FBH1: variants seen among roughly 807,000 people sequenced by gnomAD.
FBH1 encodes F-box DNA helicase 1.
FBH1 carries 43 observed loss-of-function variants against 115.5 expected under a neutral mutation model. The ratio of observed to expected loss-of-function variants is 0.37; its 90% CI spans 0.29 to 0.48. The LOEUF is 0.48. FBH1 is among the 20% of genes least tolerant of loss of function. The pLI is 0.99. For synonymous variants in FBH1, 524 were observed against 507.8 expected, an observed-to-expected ratio of 1.03 and a Z score of -0.43; for missense variants, 1,001 against 1,337.3, an observed-to-expected ratio of 0.75 and a Z score of 3.92.
At position 5,895,263 on chromosome 10, in the gene FBH1, G is replaced by A; in HGVS notation, c.1+4917G>A. The stretch of plus-strand genomic sequence containing the variant: ...GTCCAGATTAGCAAAACTGCCCTCT[G>A]TGGATCTTTGTTAAAGTTGGGTATG... On this transcript the variant is annotated intron_variant, in intron 1 of 20. Coordinates refer to ENST00000362091, the MANE Select transcript of FBH1 (RefSeq NM_178150.3). The surrounding 1 kb of genome is among the most constrained non-coding windows in gnomAD (Gnocchi z 5.0). The A allele has an allele frequency of 6.7e-7, 1 of 1,487,450 alleles. No individual in the cohort carries two copies. The highest frequency in any genetic ancestry group is 9.1e-7 in the Non-Finnish European group (1 of 1,103,564). The allele number at this position is 1,487,450 out of a possible 1,614,324, so 92.1% of individuals were successfully genotyped here.
intron 6 of FBH1, among the ~76,000 whole-genome samples, chr10:5,912,544 G>A (rs1286986556): frequency 6.6e-6 from 1 of 152,162 alleles, no homozygotes; most frequent in Admixed American, 6.5e-5. Context: ...CTGGCCCCTG[G>A]AAGTTGCAAG....
chr10:5,908,883 C>A, intron 3 of FBH1, 42 bp from the exon 4 acceptor site: 1 of 1,609,506 alleles, frequency 6.2e-7, no homozygotes, highest in Non-Finnish European at 8.5e-7. Flanking sequence ...TTTCTAATGG[C>A]CCTTTGCCTC....
In FBH1 at chr10:5,936,406, C is replaced by T. The variant is rs767955773; in HGVS notation, c.2830-50C>T. The T allele has an allele frequency of 6.2e-7, 1 of 1,600,878 alleles. No individual in the cohort carries two copies. ...CGCCGCTATCAGTGTTTCCAGTAGA[C>T]CCTAACGGAGGTGTCGCCATGACTC... On this transcript the variant is annotated intron_variant, in intron 19 of 20. Transcript: ENST00000362091. This position sits in a 1 kb window ranked among gnomAD's most constrained non-coding sequence, Gnocchi z 5.6.
In FBH1 at chr10:5,916,259, C is replaced by T. The variant is rs1300202340; in HGVS notation, c.1591C>T (p.Leu531Phe). The change falls in exon 10 of 21, where the codon CTC becomes TTC. Residue 531 changes from leucine to phenylalanine, a missense_variant. Physicochemically the swap from Leu to Phe is conservative, Grantham distance 22 (BLOSUM62 0). Coordinates refer to ENST00000362091, the MANE Select transcript of FBH1 (RefSeq NM_178150.3). ...GTACCAGTCAAAGAAGAAGTTGAAT[C>T]TCTTCAAGTTAACACCCTTCATGGT... ...RKYQSKKKLN[L>F]FKLTPFMVNS... The T allele has an allele frequency of 1.2e-6, 2 of 1,614,160 alleles. No individual in the cohort carries two copies. The highest frequency in any genetic ancestry group is 4.5e-5 in the East Asian group (2 of 44,878).
Position 5,937,384 on chromosome 10 carries a change from C to T in FBH1, c.*104C>T. The T allele has an allele frequency of 7.8e-7, 1 of 1,278,492 alleles. No homozygotes were observed. The highest frequency in any genetic ancestry group is 1.0e-6 in the Non-Finnish European group (1 of 976,028). The allele number at this position is 1,278,492 out of a possible 1,614,324, so 79.2% of individuals were successfully genotyped here. A position where few individuals can be genotyped will look rare whatever the true frequency, so the allele number is the denominator to read the frequency against. ...TGCTCCCTGAGACTCTGGGTTCACC[C>T]ACAGCACTTTCTGAGGAAGAGGACA... On this transcript the variant is annotated 3_prime_UTR_variant, in exon 21 of 21. Transcript: ENST00000362091.
At position 5,936,415 on chromosome 10, in the gene FBH1, A is replaced by G. The variant is rs1833357817; in HGVS notation, c.2830-41A>G. 4.4e-6 allele frequency: 7 copies of G among 1,605,646 alleles called. No individual in the cohort carries two copies. The East Asian group carries it at 1.6e-4, about 36-fold the overall frequency. On this transcript the variant is annotated intron_variant, in intron 19 of 20. Transcript: ENST00000362091. This position sits in a 1 kb window ranked among gnomAD's most constrained non-coding sequence, Gnocchi z 5.6. ...CAGTGTTTCCAGTAGACCCTAACGG[A>G]GGTGTCGCCATGACTCTCTTTCTCG... is the stretch of plus-strand genomic sequence containing the variant.
rs755433111 is a variant in FBH1, at chr10:5,903,127, C to G, written c.109C>G (p.Pro37Ala). 27 of 1,613,644 alleles carry G rather than the reference C, an allele frequency of 1.7e-5. No individual in the cohort carries two copies. Among genetic ancestry groups the G allele is most frequent in the Non-Finnish European group, 2.5e-6 (3 of 1,179,880 alleles). ...PFGQRWTNRD[P>A]NHGLYPKPRT... ...CGGTCAAAGATGGACAAACAGAGATCCGAACCATGGTCTCTATCCTAAACC... is the reference window on the plus strand; with the variant it reads ...CGGTCAAAGATGGACAAACAGAGATGCGAACCATGGTCTCTATCCTAAACC... The change falls in exon 2 of 21, where the codon CCG becomes GCG. Residue 37 changes from proline (P) to alanine (A), a missense_variant. Transcript: ENST00000362091.
At position 5,924,224 on chromosome 10, in the gene FBH1, TGC is replaced by T. The variant is rs111910532; in HGVS notation, c.2399-84_2399-83del. 3.7e-6 allele frequency: 5 copies of T among 1,343,710 alleles called. No individual in the cohort carries two copies. The South Asian group carries it at 4.9e-5, about 13-fold the overall frequency. The allele number at this position is 1,343,710 out of a possible 1,614,324, so 83.2% of individuals were successfully genotyped here. A position where few individuals can be genotyped will look rare whatever the true frequency, so the allele number is the denominator to read the frequency against. On this transcript the variant is annotated intron_variant, in intron 16 of 20. Coordinates refer to ENST00000362091, the MANE Select transcript of FBH1 (RefSeq NM_178150.3). The surrounding 1 kb of genome is among the most constrained non-coding windows in gnomAD (Gnocchi z 6.2). ...TCCCCACTTTAAGACCATCTGCTCT[TGC>T]GCAGCTGCTTAGGAACGTGCAGCAC...
chr10:5,937,333 T>C lies in FBH1; in HGVS notation c.*53T>C. 7.0e-7 allele frequency: 1 copy of C among 1,436,100 alleles called. No individual in the cohort carries two copies. Among genetic ancestry groups the C allele is most frequent in the Non-Finnish European group, 9.2e-7 (1 of 1,087,814 alleles). The allele number at this position is 1,436,100 out of a possible 1,614,324, so 89.0% of individuals were successfully genotyped here. A position where few individuals can be genotyped will look rare whatever the true frequency, so the allele number is the denominator to read the frequency against. On this transcript the variant is annotated 3_prime_UTR_variant, in exon 21 of 21. Coordinates refer to ENST00000362091, the MANE Select transcript of FBH1 (RefSeq NM_178150.3). Reference sequence around the variant, plus strand: ...AGAGCAGCTTGCCGAGGACCCCGCGTGAAGAAAGCCAGCGAGGGGGGCTTC... The same window carrying C: ...AGAGCAGCTTGCCGAGGACCCCGCGCGAAGAAAGCCAGCGAGGGGGGCTTC...
At position 5,923,837 on chromosome 10, in the gene FBH1, G is replaced by T. The variant is rs1171946651; in HGVS notation, c.2398+141G>T. The T allele has an allele frequency of 6.7e-6, 5 of 749,064 alleles. No individual in the cohort carries two copies. The highest frequency in any genetic ancestry group is 1.8e-5 in the African/African-American group (1 of 56,608). 46.4% of individuals were successfully genotyped at this position (749,064 alleles called of 1,614,324 possible). ...AGTGTTGCTGTCTTCCCATGACGAG[G>T]GGGGTGCCTCGGGCCTCCTGTTTTC... On this transcript the variant is annotated intron_variant, in intron 16 of 20. Coordinates refer to ENST00000362091, the MANE Select transcript of FBH1 (RefSeq NM_178150.3). This position sits in a 1 kb window ranked among gnomAD's most constrained non-coding sequence, Gnocchi z 5.7.
In FBH1 at chr10:5,906,762, G is replaced by A; in HGVS notation, c.753+130G>A. The A allele has an allele frequency of 1.3e-6, 1 of 755,380 alleles. No homozygotes were observed. Among genetic ancestry groups the A allele is most frequent in the Non-Finnish European group, 2.1e-6 (1 of 474,782 alleles). 46.8% of individuals were successfully genotyped at this position (755,380 alleles called of 1,614,324 possible). On this transcript the variant is annotated intron_variant, in intron 3 of 20. Coordinates refer to ENST00000362091, the MANE Select transcript of FBH1 (RefSeq NM_178150.3). The surrounding 1 kb of genome is among the most constrained non-coding windows in gnomAD (Gnocchi z 7.3). ...CTTCAGAAGACATTCAGACTCCTTA[G>A]AGGCATTTAAGGCCTTCCGTGTCTG... is the stretch of plus-strand genomic sequence containing the variant.
At position 5,909,251 on chromosome 10, in the gene FBH1, C is replaced by T. The variant is rs777764287; in HGVS notation, c.977C>T (p.Ala326Val). Residue 326 changes from alanine to valine, a missense_variant, in exon 5 of 21, where the codon GCG (alanine) becomes GTG (valine). Ala to Val is a moderately conservative substitution (Grantham distance 64). This residue lies in a region of FBH1 where 420 missense variants were observed against 430.4 expected (regional missense o/e 0.98). Coordinates refer to ENST00000362091, the MANE Select transcript of FBH1 (RefSeq NM_178150.3). This position sits in a 1 kb window ranked among gnomAD's most constrained non-coding sequence, Gnocchi z 4.4. ...CACCCCCTCCTCCCCGAGGCTGAGG[C>T]GTGTGTGCGGCAACACCTCCCCGAC... ...RDHPLLPEAE[A>V]CVRQHLPDLY... The T allele has an allele frequency of 1.8e-5, 29 of 1,612,686 alleles. 1 individual carries two copies. The highest frequency in any genetic ancestry group is 2.7e-5 in the African/African-American group (2 of 75,038).
At chr10:5,899,213 A>G (rs1487529654) in intron 1 of FBH1, among the ~76,000 whole-genome samples, 1 of 152,214 alleles carries the variant, frequency 6.6e-6, no homozygotes, top group African/African-American at 2.4e-5. Context: ...TACCTGACAC[A>G]CCATTCAGCT....
intron 18 of FBH1, among the ~76,000 whole-genome samples, chr10:5,926,831 G>A (rs559453200): frequency 6.6e-6 from 1 of 152,228 alleles, no homozygotes; most frequent in Non-Finnish European, 1.5e-5. Context: ...CGGGTCTGCT[G>A]TTCTTTGTTG....
At chr10:5,894,658 G>A in intron 1 of FBH1, 1 of 696,098 alleles carries the variant, frequency 1.4e-6, no homozygotes. Context: ...AAGGAAGACA[G>A]CCCACACTTC....
Position 5,908,960 on chromosome 10 carries a change from G to A in FBH1, c.789G>A (p.Leu263=), listed in dbSNP as rs1158518590. Reference sequence around the variant, plus strand: ...GGAAGAAGCTGTACCATCGATACCTGATGAATGAAGAGCAAGCTGTCAGCA... The same window carrying A: ...GGAAGAAGCTGTACCATCGATACCTAATGAATGAAGAGCAAGCTGTCAGCA... The part of the protein sequence containing the change: ...IPWKKLYHRY[L]MNEEQAVSKV... The change falls in exon 4 of 21, where the codon CTG becomes CTA. Residue 263 remains leucine (L), a synonymous_variant. Coordinates refer to ENST00000362091, the MANE Select transcript of FBH1 (RefSeq NM_178150.3). 6.2e-7 allele frequency: 1 copy of A among 1,614,158 alleles called. No homozygotes were observed. The highest frequency in any genetic ancestry group is 8.5e-7 in the Non-Finnish European group (1 of 1,180,034).
intron 1 of FBH1, among the ~76,000 whole-genome samples, chr10:5,893,655 A>T (rs1251138805): frequency 6.6e-6 from 1 of 152,158 alleles, no homozygotes; most frequent in Non-Finnish European, 1.5e-5. Context: ...ATGTTTCTTT[A>T]CTATCATAAC....
intron 1 of FBH1, among the ~76,000 whole-genome samples, chr10:5,896,082 C>T (rs1387485635): frequency 1.3e-5 from 2 of 152,164 alleles, no homozygotes; most frequent in Non-Finnish European, 2.9e-5. Context: ...TCTCACTCTG[C>T]GACTGCAGGA....
Position 5,906,612 on chromosome 10 carries a change from G to C in FBH1, c.733G>C (p.Glu245Gln). The change falls in exon 3 of 21, where the codon GAG becomes CAG. Residue 245 changes from glutamate (E) to glutamine (Q), a missense_variant. Coordinates refer to ENST00000362091, the MANE Select transcript of FBH1 (RefSeq NM_178150.3). The surrounding 1 kb of genome is among the most constrained non-coding windows in gnomAD (Gnocchi z 7.3). ...GAGCTTGGTGTGCCACTTGTGGAGGGAGATCATCAGTGACCCGCTGGTGAG... is the reference window on the plus strand; with the variant it reads ...GAGCTTGGTGTGCCACTTGTGGAGGCAGATCATCAGTGACCCGCTGGTGAG... ...NLSLVCHLWREIISDPLFIPW... is the reference protein window; with the variant it reads ...NLSLVCHLWRQIISDPLFIPW... The C allele has an allele frequency of 6.2e-7, 1 of 1,608,756 alleles. No individual in the cohort carries two copies. The highest frequency in any genetic ancestry group is 8.5e-7 in the Non-Finnish European group (1 of 1,178,392).
Sources: gnomAD v4.1 joint callset for allele counts (sites outside exome capture counted in the v4.1 genomes callset) on GRCh38, gnomAD v4.1.1 for gene constraint, gnomAD v4.1.1 regional missense constraint, Gnocchi (gnomAD v3.1) non-coding constraint, MANE v1.5 for transcripts, NCBI Gene and HGNC (gene_info 2026-07-23, HGNC 2026-07-21) for gene names.